Variants in GNAQ observed in about 807,000 individuals in gnomAD.
GNAQ encodes the protein guanine nucleotide-binding protein G(q) subunit alpha.
A neutral mutation model predicts 43.9 loss-of-function variants in GNAQ; 8 were observed. The ratio of observed to expected loss-of-function variants is 0.18; its 90% CI spans 0.11 to 0.33. GNAQ has a LOEUF of 0.33. Ranked by LOEUF, GNAQ falls within the 10% of genes least tolerant of loss-of-function variation. GNAQ has a pLI of 1.00. For synonymous variants in GNAQ, 155 were observed against 170.7 expected (o/e 0.91, Z 0.71); for missense variants, 158 against 450.8 (o/e 0.35, Z 5.88).
rs562467378 is a variant in GNAQ, at chr9:77,933,554, A to G, written c.137-11209T>C. On this transcript the variant is annotated intron_variant, in intron 1 of 6. Coordinates refer to ENST00000286548, the MANE Select transcript of GNAQ (RefSeq NM_002072.5). ...CAGACACTCGGGAGGCTGAGGTGGGAGGATCACTTGAGCCCAGGAGGCAGA... is the reference window on the plus strand; with the variant it reads ...CAGACACTCGGGAGGCTGAGGTGGGGGGATCACTTGAGCCCAGGAGGCAGA... Among the ~76,000 whole-genome samples, 4 of 152,016 alleles carry G rather than the reference A, an allele frequency of 2.6e-5. No homozygotes were observed. The East Asian group carries it at 7.7e-4, about 29-fold the overall frequency.
chr9:77,885,107 T>C (rs1179524245), intron 2 of GNAQ, among the ~76,000 whole-genome samples: 1 of 152,194 alleles, frequency 6.6e-6, no homozygotes, highest in East Asian at 1.9e-4. Flanking sequence ...GGATGGGTTT[T>C]AGAGATATTT....
chr9:78,009,671 T>C (rs926887507), intron 1 of GNAQ, among the ~76,000 whole-genome samples: 2 of 152,218 alleles, frequency 1.3e-5, no homozygotes, highest in African/African-American at 4.8e-5. Flanking sequence ...AATCTTATTG[T>C]AACAGGTTCC....
At chr9:77,870,864 C>T (rs929355248) in intron 2 of GNAQ, among the ~76,000 whole-genome samples, 14 of 151,260 alleles carry the variant, frequency 9.3e-5, no homozygotes, top group Admixed American at 3.3e-4. Flanking sequence ...AGAAGCCAAA[C>T]GCAAATGATA....
At chr9:77,995,781 A>G (rs915428725) in intron 1 of GNAQ, among the ~76,000 whole-genome samples, 2 of 152,186 alleles carry the variant, frequency 1.3e-5, no homozygotes, top group African/African-American at 2.4e-5. Context: ...CTGACCCAAC[A>G]TAACATTCTT....
chr9:77,797,730 G>C (rs2118457597), intron 3 of GNAQ, 82 bp from the exon 4 acceptor site: 2 of 1,238,466 alleles, frequency 1.6e-6, no homozygotes, highest in South Asian at 1.3e-5. Context: ...ACAAAAATGA[G>C]TCCTAACAGA....
chr9:78,028,062 G>T (rs986416441), intron 1 of GNAQ, among the ~76,000 whole-genome samples: 1 of 152,064 alleles, frequency 6.6e-6, no homozygotes, highest in Middle Eastern at 3.2e-3. Context: ...GAATATTCAT[G>T]AAAATTAATC....
rs563573772 is a variant in GNAQ, at chr9:77,885,452, C to A, written c.321+36709G>T. On this transcript the variant is annotated intron_variant, in intron 2 of 6. Coordinates refer to ENST00000286548, the MANE Select transcript of GNAQ (RefSeq NM_002072.5). Reference sequence around the variant, plus strand: ...TGTTAAGGGGAGAAAAAAGCAAACACATACCAACAGGGTCGGCCCTGTCCA... The same window carrying A: ...TGTTAAGGGGAGAAAAAAGCAAACAAATACCAACAGGGTCGGCCCTGTCCA... Among the ~76,000 whole-genome samples the A allele has an allele frequency of 2.0e-4, 30 of 152,316 alleles. No homozygotes were observed. The East Asian group carries it at 5.4e-3, about 27-fold the overall frequency.
chr9:77,951,909 A>G (rs1822982549), intron 1 of GNAQ, among the ~76,000 whole-genome samples: 2 of 152,250 alleles, frequency 1.3e-5, no homozygotes, highest in Admixed American at 1.3e-4. Context: ...GCAGGTCCAC[A>G]GACCTAGGAC....
At chr9:77,837,318 G>A (rs984616138) in intron 2 of GNAQ, among the ~76,000 whole-genome samples, 3 of 152,086 alleles carry the variant, frequency 2.0e-5, no homozygotes, top group Non-Finnish European at 2.9e-5. Context: ...TTGGGAGGCC[G>A]AGGCAGGCGG....
intron 2 of GNAQ, among the ~76,000 whole-genome samples, chr9:77,877,722 C>T: frequency 6.6e-6 from 1 of 152,128 alleles, no homozygotes; most frequent in East Asian, 1.9e-4. Context: ...TCTTGGCTAA[C>T]AGGAATGACC....
chr9:77,898,602 T>C (rs1271261243), intron 2 of GNAQ, among the ~76,000 whole-genome samples: 1 of 141,830 alleles, frequency 7.1e-6, no homozygotes, highest in Non-Finnish European at 1.6e-5. Context: ...AATGGATGGA[T>C]TGATGAATGA....
chr9:77,960,110 A>T (rs1194629033), intron 1 of GNAQ, among the ~76,000 whole-genome samples: 7 of 152,146 alleles, frequency 4.6e-5, no homozygotes, highest in African/African-American at 1.7e-4. Flanking sequence ...ATTAAGGGTA[A>T]GGGAACTTTA....
intron 5 of GNAQ, among the ~76,000 whole-genome samples, chr9:77,783,355 A>G (rs1013238265): frequency 2.6e-5 from 4 of 152,220 alleles, no homozygotes; most frequent in African/African-American, 4.8e-5. Flanking sequence ...ATGACTGTAC[A>G]TTTCTGTGAA....
intron 3 of GNAQ, among the ~76,000 whole-genome samples, chr9:77,814,702 G>A (rs1167689377): frequency 2.0e-5 from 3 of 152,000 alleles, no homozygotes; most frequent in Non-Finnish European, 1.5e-5. Flanking sequence ...TTTCCCCAAG[G>A]GCCCACTCTC....
chr9:77,831,990 T>C (rs1183747298), intron 2 of GNAQ, among the ~76,000 whole-genome samples: 1 of 152,162 alleles, frequency 6.6e-6, no homozygotes, highest in African/African-American at 2.4e-5. Context: ...ACTGGCTCAG[T>C]GTCATGTGCT....
intron 5 of GNAQ, among the ~76,000 whole-genome samples, chr9:77,760,364 G>T (rs1825977165): frequency 6.6e-6 from 1 of 152,072 alleles, no homozygotes; most frequent in South Asian, 2.1e-4. Flanking sequence ...GCGCCGCCAC[G>T]CCTGACTGGT....
At chr9:77,849,795 T>A (rs1433599010) in intron 2 of GNAQ, among the ~76,000 whole-genome samples, 1 of 152,152 alleles carries the variant, frequency 6.6e-6, no homozygotes, top group African/African-American at 2.4e-5. Context: ...GCCTCCTGAG[T>A]GGCTGGGGAC....
intron 2 of GNAQ, among the ~76,000 whole-genome samples, chr9:77,864,606 T>C (rs2117996653): frequency 6.6e-6 from 1 of 152,218 alleles, no homozygotes; most frequent in Middle Eastern, 3.4e-3. Flanking sequence ...GGAATGCATG[T>C]GGGACCATCC....
intron 3 of GNAQ, among the ~76,000 whole-genome samples, chr9:77,802,474 G>A (rs186880170): frequency 2.6e-5 from 4 of 151,828 alleles, no homozygotes; most frequent in African/African-American, 9.7e-5. Context: ...TTCCATTGAA[G>A]CATTTTCTAT....
Sources: gnomAD v4.1 joint callset for allele counts (sites outside exome capture counted in the v4.1 genomes callset) on GRCh38, gnomAD v4.1.1 for gene constraint, MANE v1.5 for transcripts, NCBI Gene and HGNC (gene_info 2026-07-23, HGNC 2026-07-21) for gene names.